NAV2: variants seen among roughly 807,000 people sequenced by gnomAD.
The protein encoded by NAV2 is neuron navigator 2.
NAV2 carries 54 observed loss-of-function variants against 223.2 expected under a neutral mutation model. The ratio of observed to expected loss-of-function variants is 0.24; its 90% confidence interval spans 0.19 to 0.30. NAV2 has a LOEUF of 0.30. Among genes scored for constraint, NAV2 ranks in the 10% least tolerant of loss-of-function variants. The pLI, the probability that NAV2 is intolerant of heterozygous loss-of-function variation, is 1.00. For synonymous variants in NAV2, 1,279 were observed against 1,239.3 expected, an observed-to-expected ratio of 1.03 and a Z score of -0.67; for missense variants, 2,806 against 3,147.5, an observed-to-expected ratio of 0.89 and a Z score of 2.60.
At chr11:19,741,762 C>T (rs570258361) in intron 1 of NAV2, among the ~76,000 whole-genome samples, 3 of 144,826 alleles carry the variant, frequency 2.1e-5, no homozygotes, top group Admixed American at 2.1e-4. Context: ...CGTTGATAGA[C>T]ATTTATGTTG....
chr11:20,091,093 C>A (rs1428783318), intron 27 of NAV2, 75 bp downstream of exon 27: 1 of 1,518,372 alleles, frequency 6.6e-7, no homozygotes, highest in Admixed American at 1.8e-5. Context: ...TCCACTAAGC[C>A]CTGAGGGCTG....
upstream of NAV2, among the ~76,000 whole-genome samples, chr11:19,346,712 T>A (rs1192374487): frequency 2.0e-5 from 3 of 152,164 alleles, no homozygotes; most frequent in Non-Finnish European, 4.4e-5. Context: ...CCCTCCCCTG[T>A]GGCTTAGCAG....
intron 31 of NAV2, among the ~76,000 whole-genome samples, chr11:20,098,079 C>T (rs965966077): frequency 6.6e-6 from 1 of 152,178 alleles, no homozygotes; most frequent in Non-Finnish European, 1.5e-5. Context: ...TGGATGCAGT[C>T]CCGTTCTACA....
intron 1 of NAV2, among the ~76,000 whole-genome samples, chr11:19,641,348 A>G (rs1005233789): frequency 6.6e-6 from 1 of 151,964 alleles, no homozygotes; most frequent in Non-Finnish European, 1.5e-5. Context: ...CAACCTATCC[A>G]TATCCCTCCC....
chr11:19,350,855 G>C (rs1853267362), exon 1 of NAV2: 1 of 1,211,018 alleles, frequency 8.3e-7, no homozygotes. Context: ...CGGGAACTCT[G>C]TCTGGCTGTT....
At chr11:20,015,866 C>T (rs927674833) in intron 11 of NAV2, among the ~76,000 whole-genome samples, 4 of 152,138 alleles carry the variant, frequency 2.6e-5, no homozygotes, top group Non-Finnish European at 5.9e-5. Flanking sequence ...CTGTGAATGG[C>T]CCTGGCCCAC....
chr11:19,882,950 A>G lies in NAV2; in HGVS notation c.770+2823A>G, dbSNP rs2063307437. 2.0e-5 allele frequency among the ~76,000 whole-genome samples: 3 copies of G among 152,198 alleles called. No homozygotes were observed. The South Asian group carries it at 6.2e-4, about 31-fold the overall frequency. ...AAGGATAATCTTGTTCTCAAGGTCTAGGGATATGCTATCCCATGCTAACAC... is the reference window on the plus strand; with the variant it reads ...AAGGATAATCTTGTTCTCAAGGTCTGGGGATATGCTATCCCATGCTAACAC... On this transcript the variant is annotated intron_variant, in intron 5 of 37. Coordinates refer to ENST00000349880, the MANE Select transcript of NAV2 (RefSeq NM_145117.5).
At chr11:19,815,270 GC>G (rs1226557851) in intron 1 of NAV2, among the ~76,000 whole-genome samples, 1 of 152,306 alleles carries the variant, frequency 6.6e-6, no homozygotes, top group East Asian at 1.9e-4. Context: ...AAGGTGGAAG[GC>G]TGCTGGGATA....
At chr11:20,043,433 C>T (rs1435185609) in intron 12 of NAV2, among the ~76,000 whole-genome samples, 1 of 152,108 alleles carries the variant, frequency 6.6e-6, no homozygotes, top group Non-Finnish European at 1.5e-5. Context: ...TCTTCCCTCA[C>T]TCCTTTCTTT....
chr11:19,398,047 T>C (rs1172440892), intron 1 of NAV2, among the ~76,000 whole-genome samples: 1 of 152,158 alleles, frequency 6.6e-6, no homozygotes, highest in East Asian at 1.9e-4. Context: ...CCCCCGCGTA[T>C]TAGATCATTC....
At chr11:19,640,136 G>A (rs2047624317) in intron 1 of NAV2, among the ~76,000 whole-genome samples, 1 of 152,132 alleles carries the variant, frequency 6.6e-6, no homozygotes, top group African/African-American at 2.4e-5. Context: ...GGCAAAGTGG[G>A]GCTCGAGGCT....
chr11:19,415,740 T>C (rs1304621785), intron 1 of NAV2, among the ~76,000 whole-genome samples: 1 of 152,222 alleles, frequency 6.6e-6, no homozygotes, highest in Non-Finnish European at 1.5e-5. Context: ...GAAAAGCTAA[T>C]CCACCATGAT....
chr11:19,407,209 G>T (rs1479483129), intron 1 of NAV2, among the ~76,000 whole-genome samples: 2 of 152,174 alleles, frequency 1.3e-5, no homozygotes, highest in Non-Finnish European at 2.9e-5. Context: ...CAGGCATTTT[G>T]CAGGGTACTG....
At chr11:19,413,371 G>A (rs538281194) in intron 1 of NAV2, among the ~76,000 whole-genome samples, 83 of 152,122 alleles carry the variant, frequency 5.5e-4, no homozygotes, top group Non-Finnish European at 1.0e-3. Flanking sequence ...GACAAGATTA[G>A]AGAAAAAAGA....
At chr11:20,106,193 A>ATGTGTG (rs1565089429) in intron 35 of NAV2, among the ~76,000 whole-genome samples, 3 of 23,080 alleles carry the variant, frequency 1.3e-4, no homozygotes, top group Non-Finnish European at 3.6e-4. Context: ...GTATATATAT[A>ATGTGTG]TATATATATA....
intron 6 of NAV2, among the ~76,000 whole-genome samples, chr11:19,911,682 A>G (rs1435721018): frequency 6.6e-6 from 1 of 152,168 alleles, no homozygotes; most frequent in African/African-American, 2.4e-5. Flanking sequence ...GACCTCAGAC[A>G]GTGGATGACC....
chr11:19,546,963 T>C lies in NAV2; in HGVS notation c.75+195936T>C, dbSNP rs1012366191. Among the ~76,000 whole-genome samples the C allele has an allele frequency of 2.6e-5, 4 of 152,222 alleles. No individual in the cohort carries two copies. In the South Asian group the frequency reaches 8.3e-4, roughly 32 times the overall value. On this transcript the variant is annotated intron_variant, in intron 1 of 37. Transcript: ENST00000360655. ...CAGTTGGAGTTTAGGTCACTATTGA[T>C]ACCTGGATTCTGGAAGCTCAGATGT...
intron 1 of NAV2, among the ~76,000 whole-genome samples, chr11:19,673,853 C>T (rs2048639068): frequency 1.3e-5 from 2 of 152,248 alleles, no homozygotes; most frequent in Admixed American, 1.3e-4. Context: ...TGAGCAAGCC[C>T]TATTAGAAAC....
chr11:20,089,399 C>G (rs1057180448), intron 26 of NAV2, among the ~76,000 whole-genome samples: 1 of 152,164 alleles, frequency 6.6e-6, no homozygotes, highest in African/African-American at 2.4e-5. Context: ...ACAATTTCAT[C>G]TCTTTTAACA....
Sources: allele counts gnomAD v4.1 joint callset (sites outside exome capture counted in the v4.1 genomes callset), GRCh38; gene constraint gnomAD v4.1.1; transcripts MANE v1.5; gene names NCBI Gene and HGNC (gene_info 2026-07-23, HGNC 2026-07-21).